The following MYOF variants were observed in gnomAD, a reference collection of about 807,000 sequenced individuals.
MYOF encodes fer-1-like 3, myoferlin.
A neutral mutation model predicts 284.2 loss-of-function variants in MYOF; 244 were observed. That is an observed-to-expected ratio of 0.86 (90% CI 0.77 to 0.95). MYOF has a LOEUF of 0.95. MYOF is among the 40% of genes least tolerant of loss of function. The probability of loss-of-function intolerance (pLI) is 0.00; values close to 1 mark genes in which losing one functional copy is unlikely to be tolerated. For missense variants in MYOF, 2,496 were observed against 2,560.6 expected, an observed-to-expected ratio of 0.97 and a Z score of 0.54; for synonymous variants, 904 against 919.7, an observed-to-expected ratio of 0.98 and a Z score of 0.31.
chr10:93,384,784 C>T (rs1004347976), intron 19 of MYOF, among the ~76,000 whole-genome samples: 7 of 152,190 alleles, frequency 4.6e-5, no homozygotes, highest in South Asian at 4.1e-4. Context: ...TTTCAGCAGT[C>T]GATTTGCAAA....
chr10:93,353,971 T>G, intron 31 of MYOF, 83 bp from the exon 32 acceptor site: 2 of 1,118,088 alleles, frequency 1.8e-6, no homozygotes, highest in Non-Finnish European at 2.6e-6. Context: ...AAAAAATACA[T>G]GTTTCTGATA....
chr10:93,328,307 T>C (rs1250357219), intron 45 of MYOF, among the ~76,000 whole-genome samples: 1 of 152,136 alleles, frequency 6.6e-6, no homozygotes, highest in African/African-American at 2.4e-5. Flanking sequence ...GGATTATAAA[T>C]TGCTGGTTGG....
chr10:93,368,196 T>C (rs549641234), intron 25 of MYOF, among the ~76,000 whole-genome samples: 59 of 152,174 alleles, frequency 3.9e-4, no homozygotes, highest in Non-Finnish European at 7.9e-4. Flanking sequence ...TCCAGCTGGC[T>C]GGACATCAAC....
chr10:93,347,875 G>C (rs1844306544), intron 36 of MYOF, 93 bp from the exon 37 acceptor site: 4 of 1,285,828 alleles, frequency 3.1e-6, no homozygotes, highest in Non-Finnish European at 4.3e-6. Context: ...GATTCTCTCT[G>C]CCACACAGCC....
At position 93,397,260 on chromosome 10, in the gene MYOF, T is replaced by A. The variant is rs1403084294; in HGVS notation, c.1321A>T (p.Thr441Ser). The A allele has an allele frequency of 1.3e-6, 2 of 1,594,042 alleles. No homozygotes were observed. Among genetic ancestry groups the A allele is most frequent in the African/African-American group, 2.7e-5 (2 of 74,396 alleles). The change falls in exon 15 of 54, where the codon ACA (threonine) becomes TCA (serine). Residue 441 changes from threonine to serine, a missense_variant. By Grantham distance (58) the Thr-to-Ser change is moderately conservative (BLOSUM62 1). This residue lies in a region of MYOF where 2,436 missense variants were observed against 2,480.7 expected (regional missense o/e 0.98). Coordinates refer to ENST00000359263, the MANE Select transcript of MYOF (RefSeq NM_013451.4). ...FPSVCEKIKL[T>S]IYDWDRLTKN... ...TTTTCAACTCACCAGTCATATATTG[T>A]TAGTTTTATTTTTTCACACACTGAA...
chr10:93,462,261 G>GT (rs2056902602), intron 1 of MYOF, among the ~76,000 whole-genome samples: 1 of 152,012 alleles, frequency 6.6e-6, no homozygotes, highest in South Asian at 2.1e-4. Context: ...GTAAAGACAG[G>GT]GTTTCCCCAT....
At chr10:93,471,050 A>T (rs4919163) in intron 1 of MYOF, among the ~76,000 whole-genome samples, 1 of 151,920 alleles carries the variant, frequency 6.6e-6, no homozygotes, top group Non-Finnish European at 1.5e-5. Flanking sequence ...TATTGAGATG[A>T]AAAAGATGAT....
At chr10:93,340,760 ATT>A (rs34675111) in intron 38 of MYOF, among the ~76,000 whole-genome samples, 1 of 151,512 alleles carries the variant, frequency 6.6e-6, no homozygotes, top group Non-Finnish European at 1.5e-5. Context: ...CTTTCATGTG[ATT>A]TTTTTTTAAT....
At chr10:93,452,363 T>C (rs557945136) in intron 2 of MYOF, among the ~76,000 whole-genome samples, 1 of 152,052 alleles carries the variant, frequency 6.6e-6, no homozygotes, top group Non-Finnish European at 1.5e-5. Flanking sequence ...AACTCCTGGC[T>C]TCCTGCTTTC....
At chr10:93,313,368 T>C (rs561829593) in intron 50 of MYOF, among the ~76,000 whole-genome samples, 158 bp from the exon 51 acceptor site, 42 of 152,314 alleles carry the variant, frequency 2.8e-4, no homozygotes, top group Admixed American at 6.5e-4. Flanking sequence ...ATTTAAAGTC[T>C]TTCCAGTTAG....
chr10:93,337,657 A>C (rs1308063538), intron 40 of MYOF, 158 bp downstream of exon 40: 2 of 596,382 alleles, frequency 3.4e-6, no homozygotes, highest in African/African-American at 3.7e-5. Flanking sequence ...GGCAAAGCCG[A>C]AACTCATGCA....
At chr10:93,425,900 C>T (rs1388398289) in intron 5 of MYOF, 171 bp downstream of exon 5, 8 of 631,874 alleles carry the variant, frequency 1.3e-5, no homozygotes, top group Non-Finnish European at 1.9e-5. Context: ...ATTTCATAAA[C>T]AATTGCAATG....
Position 93,379,912 on chromosome 10 carries a change from C to A in MYOF, c.1952G>T (p.Ser651Ile), listed in dbSNP as rs1291332519. ...VTLTSYWEDI[S>I]HRLDAVNTLL... ...AGTGTTCACCGCATCCAGGCGATGA[C>A]TAATATCCTCCCAGTATGAAGTCAG... The change falls in exon 21 of 54, where the codon AGT becomes ATT. Residue 651 changes from serine to isoleucine, a missense_variant. Transcript: ENST00000359263. The A allele has an allele frequency of 6.2e-7, 1 of 1,614,016 alleles. No individual in the cohort carries two copies. The highest frequency in any genetic ancestry group is 2.2e-5 in the East Asian group (1 of 44,894).
chr10:93,372,934 A>C lies in MYOF; in HGVS notation c.2453T>G (p.Leu818Arg). Reference protein sequence around the residue: ...KYCGKTQTIFLKYPQEKNNGP... With the variant: ...KYCGKTQTIFRKYPQEKNNGP... Reference sequence around the variant, plus strand: ...TGACACAGTGAAGATATGTACCTTCAGAAAGATGGTTTGGGTTTTCCCACA... The same window carrying C: ...TGACACAGTGAAGATATGTACCTTCCGAAAGATGGTTTGGGTTTTCCCACA... The change falls in exon 24 of 54, where the codon CTG (leucine) becomes CGG (arginine). Residue 818 changes from leucine to arginine, a missense_variant. Coordinates refer to ENST00000359263, the MANE Select transcript of MYOF (RefSeq NM_013451.4). The C allele has an allele frequency of 6.2e-7, 1 of 1,614,210 alleles. No individual in the cohort carries two copies. The highest frequency in any genetic ancestry group is 1.6e-4 in the Middle Eastern group (1 of 6,062).
At chr10:93,426,493 A>G (rs932384724) in intron 4 of MYOF, among the ~76,000 whole-genome samples, 2 of 152,190 alleles carry the variant, frequency 1.3e-5, no homozygotes, top group African/African-American at 4.8e-5. Context: ...CCATCACAGA[A>G]TTACAATTAC....
At chr10:93,397,078 G>T in intron 15 of MYOF, 169 bp downstream of exon 15, 2 of 537,854 alleles carry the variant, frequency 3.7e-6, no homozygotes, top group Non-Finnish European at 6.4e-6. Flanking sequence ...TTTTTTTGCA[G>T]TAACACTATT....
intron 3 of MYOF, among the ~76,000 whole-genome samples, chr10:93,451,201 G>A (rs894873116): frequency 7.9e-5 from 12 of 152,224 alleles, no homozygotes; most frequent in Admixed American, 4.6e-4. Flanking sequence ...TTAGCTGGGC[G>A]TGGTGGTGCA....
chr10:93,317,791 C>T (rs1346596215), intron 49 of MYOF, among the ~76,000 whole-genome samples: 2 of 152,230 alleles, frequency 1.3e-5, no homozygotes, highest in African/African-American at 4.8e-5. Context: ...TAAGACTAAA[C>T]ATCTTTACAG....
chr10:93,354,683 C>CTCTCTG (rs1168719172), intron 31 of MYOF, among the ~76,000 whole-genome samples: 17 of 151,604 alleles, frequency 1.1e-4, no homozygotes, highest in African/African-American at 7.3e-5. Context: ...CTCTCTCTCT[C>CTCTCTG]TCTCTCTCTC....
Sources: allele counts gnomAD v4.1 joint callset (sites outside exome capture counted in the v4.1 genomes callset), GRCh38; gene constraint gnomAD v4.1.1; regional missense constraint gnomAD v4.1.1; transcripts MANE v1.5; gene names NCBI Gene and HGNC (gene_info 2026-07-23, HGNC 2026-07-21).